Variants in CNTNAP2 observed in about 807,000 individuals in gnomAD.
The protein encoded by CNTNAP2 is contactin-associated protein-like 2.
A neutral mutation model predicts 155.2 loss-of-function variants in CNTNAP2; 98 were observed. The observed-to-expected ratio is 0.63, with a 90% CI of 0.54 to 0.75. CNTNAP2 has a LOEUF of 0.75. Ranked by LOEUF, CNTNAP2 falls within the 30% of genes least tolerant of loss-of-function variation. The pLI is 0.00. For synonymous variants in CNTNAP2, 651 were observed against 631.2 expected (o/e 1.03, Z -0.47); for missense variants, 1,727 against 1,688.1 (o/e 1.02, Z -0.40).
intron 20 of CNTNAP2, among the ~76,000 whole-genome samples, chr7:148,257,065 C>T (rs1438315386): frequency 6.6e-6 from 1 of 151,976 alleles, no homozygotes; most frequent in Non-Finnish European, 1.5e-5. Flanking sequence ...GGTCTAAAGC[C>T]CTGAGCACAC....
chr7:146,564,462 A>C (rs889910584), intron 1 of CNTNAP2, among the ~76,000 whole-genome samples: 1 of 150,734 alleles, frequency 6.6e-6, no homozygotes, highest in Non-Finnish European at 1.5e-5. Context: ...TTAATATACA[A>C]ATTTTATATA....
intron 1 of CNTNAP2, among the ~76,000 whole-genome samples, chr7:146,588,925 G>A (rs347174): frequency 0.03 from 4,488 of 151,858 alleles, 235 homozygotes; most frequent in African/African-American, 0.1. Flanking sequence ...ATTTGGAAAG[G>A]ATCTGCAATA....
chr7:148,175,357 G>A (rs1794915141), intron 18 of CNTNAP2, among the ~76,000 whole-genome samples: 2 of 152,048 alleles, frequency 1.3e-5, no homozygotes, highest in Non-Finnish European at 2.9e-5. Flanking sequence ...AGACATTTGA[G>A]GGATAACTAT....
chr7:146,991,733 T>C (rs959404921), intron 3 of CNTNAP2, among the ~76,000 whole-genome samples: 8 of 152,098 alleles, frequency 5.3e-5, no homozygotes, highest in African/African-American at 1.9e-4. Context: ...GGGCACATAA[T>C]GAATCAAGAA....
intron 9 of CNTNAP2, chr7:147,378,165 A>C: frequency 3.4e-6 from 1 of 291,990 alleles, no homozygotes; most frequent in Non-Finnish European, 6.8e-6. Flanking sequence ...AATGTTTCTA[A>C]GTTTTTTTAA....
At chr7:147,629,169 A>G (rs1267063985) in intron 12 of CNTNAP2, among the ~76,000 whole-genome samples, 1 of 152,112 alleles carries the variant, frequency 6.6e-6, no homozygotes, top group Non-Finnish European at 1.5e-5. Flanking sequence ...TGGGAGGCTG[A>G]GGTGGGTGGA....
rs181462020 is a variant in CNTNAP2, at chr7:148,329,165, G to A, written c.3476-54484G>A. 4.7e-3 allele frequency among the ~76,000 whole-genome samples: 721 copies of A among 152,164 alleles called. 2 individuals carry two copies. Among genetic ancestry groups the A allele is most frequent in the Admixed American group, 7.8e-3 (119 of 15,264 alleles). On this transcript the variant is annotated intron_variant, in intron 21 of 23. Transcript: ENST00000361727. ...AGGACCACAGATTCTGTCTGACCTT[G>A]GGGATTCTCTGGTGTTTCTGAAAAT...
chr7:147,444,316 G>T lies in CNTNAP2; in HGVS notation c.1671-41619G>T, dbSNP rs879798849. ...AGATCAACAAAATGAAGCCCAAGAT[G>T]AGATAAAACAAGTTGCCAGCCTTTT... On this transcript the variant is annotated intron_variant, in intron 10 of 23. Coordinates refer to ENST00000361727, the MANE Select transcript of CNTNAP2 (RefSeq NM_014141.6). 5.3e-5 allele frequency among the ~76,000 whole-genome samples: 8 copies of T among 152,238 alleles called. No individual in the cohort carries two copies. The South Asian group carries it at 1.0e-3, about 20-fold the overall frequency.
intron 9 of CNTNAP2, among the ~76,000 whole-genome samples, chr7:147,320,126 G>A (rs964941017): frequency 6.6e-6 from 1 of 152,108 alleles, no homozygotes; most frequent in East Asian, 1.9e-4. Flanking sequence ...ACCATCTTTA[G>A]TACATTGTTT....
chr7:147,568,269 G>C (rs376300417), intron 12 of CNTNAP2, among the ~76,000 whole-genome samples: 98 of 151,844 alleles, frequency 6.5e-4, no homozygotes, highest in Admixed American at 4.6e-3. Flanking sequence ...TTAGACAGAG[G>C]CTTCTTATCT....
At chr7:147,931,832 T>C (rs1285769154) in intron 14 of CNTNAP2, among the ~76,000 whole-genome samples, 1 of 152,184 alleles carries the variant, frequency 6.6e-6, no homozygotes, top group Non-Finnish European at 1.5e-5. Context: ...AGAGTTTCAA[T>C]GCAATCCCTA....
chr7:147,418,428 G>A (rs76403440), intron 10 of CNTNAP2, among the ~76,000 whole-genome samples: 2,137 of 152,154 alleles, frequency 0.014, 50 homozygotes, highest in African/African-American at 0.049. Context: ...TATAGACATC[G>A]ATATGAAGAG....
intron 13 of CNTNAP2, among the ~76,000 whole-genome samples, chr7:147,775,359 TTATAAA>T (rs1797563314): frequency 2.5e-4 from 11 of 44,326 alleles, no homozygotes; most frequent in African/African-American, 1.8e-3. Flanking sequence ...TTATATATAT[TTATAAA>T]TATATATATA....
At chr7:147,315,543 A>G (rs1006636455) in intron 9 of CNTNAP2, among the ~76,000 whole-genome samples, 6 of 143,960 alleles carry the variant, frequency 4.2e-5, no homozygotes, top group Admixed American at 2.9e-4. Flanking sequence ...GTGCAGTGGC[A>G]TGATCTCGGC....
At chr7:148,126,107 AG>A (rs1343907571) in intron 16 of CNTNAP2, among the ~76,000 whole-genome samples, 1 of 152,172 alleles carries the variant, frequency 6.6e-6, no homozygotes, top group Non-Finnish European at 1.5e-5. Context: ...GAAGGAGAAA[AG>A]TTTCCTTGAA....
chr7:146,583,863 C>G (rs912209081), intron 1 of CNTNAP2, among the ~76,000 whole-genome samples: 7 of 152,118 alleles, frequency 4.6e-5, no homozygotes, highest in Admixed American at 3.3e-4. Flanking sequence ...TATTTATACA[C>G]AGTTGTATAA....
chr7:148,319,764 G>C (rs1797757671), intron 21 of CNTNAP2, among the ~76,000 whole-genome samples: 1 of 151,686 alleles, frequency 6.6e-6, no homozygotes. Flanking sequence ...CATCACCCCT[G>C]AGATGGGACC....
rs1244546540 is a variant in CNTNAP2 at position 148,366,034 on chromosome 7, GTA to G, written c.3476-17613_3476-17612del. Reference sequence around the variant, plus strand: ...TGTGTATGCATGTATGCATGTGTGTGTATGCATGTATGCATGTGTGTGTATGC... The same window carrying G: ...TGTGTATGCATGTATGCATGTGTGTGTGCATGTATGCATGTGTGTGTATGC... On this transcript the variant is annotated intron_variant, in intron 21 of 23. Coordinates refer to ENST00000361727, the MANE Select transcript of CNTNAP2 (RefSeq NM_014141.6). Among the ~76,000 whole-genome samples, 4 of 1,356 alleles carry G rather than the reference GTA, an allele frequency of 2.9e-3. 2 individuals are homozygous for G. The highest frequency in any genetic ancestry group is 3.4e-3 in the African/African-American group (4 of 1,174). 0.9% of individuals were successfully genotyped at this position (1,356 alleles called of 152,430 possible).
At chr7:147,549,875 C>G (rs367563028) in intron 11 of CNTNAP2, among the ~76,000 whole-genome samples, 7 of 152,116 alleles carry the variant, frequency 4.6e-5, no homozygotes, top group African/African-American at 1.7e-4. Context: ...AAATAACACA[C>G]GCATTATATT....
Sources: allele counts gnomAD v4.1 joint callset (sites outside exome capture counted in the v4.1 genomes callset), GRCh38; gene constraint gnomAD v4.1.1; transcripts MANE v1.5; gene names NCBI Gene and HGNC (gene_info 2026-07-23, HGNC 2026-07-21).